Variants in IDO1 observed in about 807,000 individuals in gnomAD.
IDO1 encodes the protein indolamine 2,3 dioxygenase.
Under a neutral mutation model 38.8 loss-of-function variants are expected in IDO1, and 35 were observed. That is an observed-to-expected ratio of 0.90 (90% CI 0.69 to 1.20). The LOEUF (loss-of-function observed/expected upper bound fraction) is 1.20. IDO1 is among the 50% of genes most tolerant of loss of function. The pLI, the probability that IDO1 is intolerant of heterozygous loss-of-function variation, is 0.00. For synonymous variants in IDO1, 171 were observed against 170.0 expected (o/e 1.01, Z -0.05); for missense variants, 509 against 485.1 (o/e 1.05, Z -0.46).
intron 3 of IDO1, chr8:39,918,566 T>C: frequency 2.1e-6 from 1 of 475,064 alleles, no homozygotes; most frequent in Non-Finnish European, 3.8e-6. Context: ...GCTAACATAG[T>C]GAAACCCCAT....
chr8:39,926,863 T>A (rs1807367913), intron 9 of IDO1, among the ~76,000 whole-genome samples: 2 of 152,156 alleles, frequency 1.3e-5, no homozygotes, highest in Non-Finnish European at 2.9e-5. Flanking sequence ...CTATTTGAAA[T>A]CCTCACTGTC....
At chr8:39,923,393 G>C in intron 6 of IDO1, 76 bp from the exon 7 acceptor site, 1 of 860,126 alleles carries the variant, frequency 1.2e-6, no homozygotes, top group Non-Finnish European at 1.8e-6. Flanking sequence ...AACTGAGCGA[G>C]ACTCCGTCTC....
chr8:39,922,811 T>C (rs1490719787), intron 6 of IDO1, 160 bp downstream of exon 6: 18 of 626,702 alleles, frequency 2.9e-5, no homozygotes, highest in African/African-American at 5.5e-5. Flanking sequence ...TATTTTTGTG[T>C]ATTACCTAAA....
chr8:39,915,191 GTC>G, intron 1 of IDO1, among the ~76,000 whole-genome samples: 1 of 152,320 alleles, frequency 6.6e-6, no homozygotes, highest in East Asian at 1.9e-4. Context: ...TGTCTCCAGA[GTC>G]TATGATCTTA....
chr8:39,922,386 C>G (rs1299697675), intron 5 of IDO1, among the ~76,000 whole-genome samples, 166 bp from the exon 6 acceptor site: 1 of 151,896 alleles, frequency 6.6e-6, no homozygotes, highest in African/African-American at 2.4e-5. Context: ...GGACAATGGG[C>G]CTAAAAAAGG....
rs781592362 is a variant in IDO1, at chr8:39,923,591, GTGT to G, written c.655+9_655+11del. The stretch of plus-strand genomic sequence containing the variant: ...AAGTGTTTCACCAAATCCACGGCAA[GTGT>G]TGTGTGCAGTGCAATAGTCTAGGCT... On this transcript the variant is annotated splice_donor_region_variant and intron_variant, in intron 7 of 9. Coordinates refer to ENST00000518237, the MANE Select transcript of IDO1 (RefSeq NM_002164.6). 1.3e-6 allele frequency: 2 copies of G among 1,555,820 alleles called. No individual in the cohort carries two copies. Among genetic ancestry groups the G allele is most frequent in the South Asian group, 2.2e-5 (2 of 89,804 alleles).
At position 39,923,595 on chromosome 8, in the gene IDO1, T is replaced by C. The variant is rs1468131326; in HGVS notation, c.655+9T>C. Reference sequence around the variant, plus strand: ...GTTTCACCAAATCCACGGCAAGTGTTGTGTGCAGTGCAATAGTCTAGGCTG... The same window carrying C: ...GTTTCACCAAATCCACGGCAAGTGTCGTGTGCAGTGCAATAGTCTAGGCTG... On this transcript the variant is annotated intron_variant, in intron 7 of 9. Transcript: ENST00000518237. 6.7e-7 allele frequency: 1 copy of C among 1,491,058 alleles called. No individual in the cohort carries two copies. The highest frequency in any genetic ancestry group is 1.1e-5 in the South Asian group (1 of 88,490). 92.4% of individuals were successfully genotyped at this position (1,491,058 alleles called of 1,614,324 possible).
intron 9 of IDO1, 72 bp downstream of exon 9, chr8:39,925,443 C>G: frequency 7.2e-7 from 1 of 1,392,214 alleles, no homozygotes; most frequent in Admixed American, 2.3e-5. Context: ...TACAAAGCAC[C>G]TTCCCATCAG....
intron 3 of IDO1, 85 bp downstream of exon 3, chr8:39,918,292 C>A: frequency 7.1e-7 from 1 of 1,405,074 alleles, no homozygotes; most frequent in Non-Finnish European, 9.9e-7. Context: ...TTTCTAAAAG[C>A]ATTATAACTG....
At chr8:39,914,514 G>A (rs1367088198) in intron 1 of IDO1, among the ~76,000 whole-genome samples, 2 of 152,110 alleles carry the variant, frequency 1.3e-5, no homozygotes, top group African/African-American at 2.4e-5. Context: ...TATTTACTGA[G>A]CGTAAGATTC....
rs112465697 is a variant in IDO1 at position 39,922,836 on chromosome 8, A to T, written c.537+185A>T. ...TATTACCTAAAATATAAAATCTCAGAGCCATATACTTAAAATCCAACTTGA... is the reference window on the plus strand; with the variant it reads ...TATTACCTAAAATATAAAATCTCAGTGCCATATACTTAAAATCCAACTTGA... On this transcript the variant is annotated intron_variant, in intron 6 of 9. Transcript: ENST00000518237. The T allele has an allele frequency of 6.1e-3, 3,622 of 595,000 alleles. 107 individuals carry two copies. Among genetic ancestry groups the T allele is most frequent in the African/African-American group, 0.059 (3,184 of 53,888 alleles). The allele number at this position is 595,000 out of a possible 1,614,324, so 36.9% of individuals were successfully genotyped here. A position where few individuals can be genotyped will look rare whatever the true frequency, so the allele number is the denominator to read the frequency against.
chr8:39,926,186 C>A (rs999618611), intron 9 of IDO1, among the ~76,000 whole-genome samples: 7 of 151,278 alleles, frequency 4.6e-5, no homozygotes, highest in African/African-American at 1.7e-4. Flanking sequence ...GACTCCATCT[C>A]AAAAAAAATT....
chr8:39,927,135 G>T (rs1807373736), intron 9 of IDO1, among the ~76,000 whole-genome samples: 1 of 151,542 alleles, frequency 6.6e-6, no homozygotes, highest in African/African-American at 2.4e-5. Context: ...CCATGTCTTT[G>T]CTGTTGTTGA....
At chr8:39,924,099 A>G (rs1251521395) in intron 7 of IDO1, among the ~76,000 whole-genome samples, 1 of 152,122 alleles carries the variant, frequency 6.6e-6, no homozygotes, top group African/African-American at 2.4e-5. Context: ...GTAATTTGCA[A>G]TAGGAAATCT....
Position 39,922,577 on chromosome 8 carries a change from C to T in IDO1, c.463C>T (p.Arg155Cys), listed in dbSNP as rs370075063. 3.0e-5 allele frequency: 48 copies of T among 1,612,858 alleles called. No homozygotes were observed. Among genetic ancestry groups the T allele is most frequent in the Admixed American group, 8.3e-5 (5 of 59,992 alleles). Residue 155 changes from arginine (R) to cysteine (C), a missense_variant, in exon 6 of 10, where the codon CGT becomes TGT. Physicochemically the swap from Arg to Cys is radical, Grantham distance 180. Coordinates refer to ENST00000518237, the MANE Select transcript of IDO1 (RefSeq NM_002164.6). ...YENMDVLFSF[R>C]DGDCSKGFFL... ...GAACATGGACGTTTTGTTCTCATTT[C>T]GTGATGGAGACTGCAGTAAAGGATT...
At chr8:39,924,619 C>A in intron 7 of IDO1, 102 bp from the exon 8 acceptor site, 1 of 772,852 alleles carries the variant, frequency 1.3e-6, no homozygotes, top group South Asian at 1.6e-5. Flanking sequence ...AATGCCTTTT[C>A]CTGCAGCCTG....
Position 39,922,519 on chromosome 8 carries a change from A to G in IDO1, c.438-33A>G, listed in dbSNP as rs766412402. ...CAAAAAATATCCCATAATTTTTGCTAAACTTCTTGCCTTCCTTATCCAATT... is the reference window on the plus strand; with the variant it reads ...CAAAAAATATCCCATAATTTTTGCTGAACTTCTTGCCTTCCTTATCCAATT... On this transcript the variant is annotated intron_variant, in intron 5 of 9. Transcript: ENST00000518237. 27 of 1,423,842 alleles carry G rather than the reference A, an allele frequency of 1.9e-5. No individual in the cohort carries two copies. In the Admixed American group the frequency reaches 2.7e-4, roughly 14 times the overall value. The allele number at this position is 1,423,842 out of a possible 1,614,324, so 88.2% of individuals were successfully genotyped here. A position where few individuals can be genotyped will look rare whatever the true frequency, so the allele number is the denominator to read the frequency against.
At position 39,913,898 on chromosome 8, in the gene IDO1, G is replaced by C; in HGVS notation, c.-25G>C. ...TCTGAAAACTCTTCAGACACTGAGG[G>C]GCACCAGAGGAGCAGACTACAAGAA... On this transcript the variant is annotated 5_prime_UTR_variant, in exon 1 of 10. Transcript: ENST00000518237. 1.3e-6 allele frequency: 2 copies of C among 1,513,142 alleles called. No homozygotes were observed. The highest frequency in any genetic ancestry group is 2.4e-5 in the South Asian group (2 of 82,470). The allele number at this position is 1,513,142 out of a possible 1,614,324, so 93.7% of individuals were successfully genotyped here. A position where few individuals can be genotyped will look rare whatever the true frequency, so the allele number is the denominator to read the frequency against.
intron 3 of IDO1, 117 bp downstream of exon 3, chr8:39,918,324 C>T (rs1485048940): frequency 1.1e-6 from 1 of 947,262 alleles, no homozygotes; most frequent in East Asian, 2.6e-5. Context: ...GTTTAGATAA[C>T]ACGACAAAAT....
Sources: gnomAD v4.1 joint callset for allele counts (sites outside exome capture counted in the v4.1 genomes callset) on GRCh38, gnomAD v4.1.1 for gene constraint, MANE v1.5 for transcripts, NCBI Gene and HGNC (gene_info 2026-07-23, HGNC 2026-07-21) for gene names.